The following MCHR2 variants were observed in gnomAD, a reference collection of about 807,000 sequenced individuals.
MCHR2 encodes melanin-concentrating hormone receptor 2.
In MCHR2, 15 loss-of-function variants were observed where a neutral mutation model predicts 24.8. That is an observed-to-expected ratio of 0.60 (90% confidence interval 0.40 to 0.93). MCHR2 has a LOEUF of 0.93. MCHR2 is among the 40% of genes least tolerant of loss of function. The probability of loss-of-function intolerance (pLI) is 0.00; values close to 1 mark genes in which losing one functional copy is unlikely to be tolerated. For synonymous variants in MCHR2, 151 were observed against 147.6 expected, an observed-to-expected ratio of 1.02 and a Z score of -0.17; for missense variants, 386 against 408.7, an observed-to-expected ratio of 0.94 and a Z score of 0.48.
Position 99,934,481 on chromosome 6 carries a change from GA to G in MCHR2, c.623del (p.Phe208SerfsTer5), listed in dbSNP as rs759525627. The G allele has an allele frequency of 8.5e-5, 134 of 1,583,526 alleles. No individual in the cohort carries two copies. Among genetic ancestry groups the G allele is most frequent in the African/African-American group, 3.3e-4 (24 of 72,688 alleles). ...TLYLTITTFF[F>X]PLPLILVCYI... Reference sequence around the variant, plus strand: ...AGCACACCAAAATCAAGGGTAGAGGGAAAAAAAAAGTTGTTATCGTCAAATA... The same window carrying G: ...AGCACACCAAAATCAAGGGTAGAGGGAAAAAAAAGTTGTTATCGTCAAATA... On this transcript the variant is annotated frameshift_variant, in exon 5 of 6. Transcript: ENST00000281806. LOFTEE classifies it high-confidence loss of function.
chr6:99,920,953 T>G lies in MCHR2; in HGVS notation c.1010A>C (p.Lys337Thr). 2 of 1,614,010 alleles carry G rather than the reference T, an allele frequency of 1.2e-6. No individual in the cohort carries two copies. Among genetic ancestry groups the G allele is most frequent in the Non-Finnish European group, 1.7e-6 (2 of 1,179,922 alleles). ...CCATGTACTTTCCTAAAAGTGTGAT[T>G]TCAGAGTGTTTCCCATATTGTTGAT... ...KEINNMGNTL[K>T]SHF The change falls in exon 6 of 6, where the codon AAA (lysine) becomes ACA (threonine). Residue 337 changes from lysine (K) to threonine (T), a missense_variant. By Grantham distance (78) the Lys-to-Thr change is moderately conservative. Transcript: ENST00000281806.
chr6:99,975,782 T>C (rs937649982), intron 1 of MCHR2, among the ~76,000 whole-genome samples: 2 of 152,254 alleles, frequency 1.3e-5, no homozygotes, highest in African/African-American at 4.8e-5. Context: ...ACCCATCTCC[T>C]TAGGATAAGT....
chr6:99,945,716 A>G (rs1774860838), intron 3 of MCHR2, among the ~76,000 whole-genome samples: 1 of 152,166 alleles, frequency 6.6e-6, no homozygotes, highest in African/African-American at 2.4e-5. Context: ...AATGTGAGGA[A>G]GGAAATGGTT....
chr6:99,977,118 T>C (rs1223178265), intron 1 of MCHR2, among the ~76,000 whole-genome samples: 1 of 152,242 alleles, frequency 6.6e-6, no homozygotes, highest in East Asian at 1.9e-4. Flanking sequence ...GTCTGACATG[T>C]TATCCTACTC....
chr6:99,930,593 TTC>T (rs149202245), intron 5 of MCHR2, among the ~76,000 whole-genome samples: 42,124 of 151,978 alleles, frequency 0.28, 6,863 homozygotes, highest in East Asian at 0.75. Context: ...TCATTTCATC[TTC>T]TGTCACTGAT....
intron 1 of MCHR2, among the ~76,000 whole-genome samples, chr6:99,971,744 T>C (rs184595335): frequency 3.3e-4 from 50 of 152,348 alleles, no homozygotes; most frequent in Non-Finnish European, 5.4e-4. Flanking sequence ...CACCAATACC[T>C]AATTTATTGA....
intron 2 of MCHR2, among the ~76,000 whole-genome samples, chr6:99,952,260 G>A (rs549451899): frequency 6.6e-6 from 1 of 151,932 alleles, no homozygotes; most frequent in Non-Finnish European, 1.5e-5. Flanking sequence ...TGATGATCAG[G>A]CCTCATTATT....
chr6:99,944,969 T>C (rs1033120463), intron 3 of MCHR2, among the ~76,000 whole-genome samples: 14 of 152,154 alleles, frequency 9.2e-5, no homozygotes, highest in Admixed American at 2.0e-4. Context: ...CTGCCTCTGC[T>C]TCTTCTTGCT....
intron 5 of MCHR2, among the ~76,000 whole-genome samples, chr6:99,926,476 C>A (rs1774361892): frequency 7.5e-6 from 1 of 133,690 alleles, no homozygotes; most frequent in South Asian, 2.5e-4. Flanking sequence ...TCCTATTTCT[C>A]CACATCCTCT....
chr6:99,956,757 A>G (rs755187581), intron 1 of MCHR2, among the ~76,000 whole-genome samples: 2 of 152,162 alleles, frequency 1.3e-5, no homozygotes, highest in African/African-American at 2.4e-5. Flanking sequence ...AGAAGTATTC[A>G]AGGCCAAATG....
Position 99,948,106 on chromosome 6 carries a change from G to A in MCHR2, c.183-135C>T. The A allele has an allele frequency of 5.8e-6, 4 of 684,948 alleles. No individual in the cohort carries two copies. In the East Asian group the frequency reaches 1.1e-4, roughly 19 times the overall value. The allele number at this position is 684,948 out of a possible 1,614,324, so 42.4% of individuals were successfully genotyped here. A position where few individuals can be genotyped will look rare whatever the true frequency, so the allele number is the denominator to read the frequency against. ...GGAAAACCTATACAGATGCATAGAG[G>A]AAATGCCTAGTCTTGTGTGTATTTA... is the stretch of plus-strand genomic sequence containing the variant. On this transcript the variant is annotated intron_variant, in intron 2 of 5. Coordinates refer to ENST00000281806, the MANE Select transcript of MCHR2 (RefSeq NM_001040179.2).
At chr6:99,926,663 G>A (rs71566307) in intron 5 of MCHR2, among the ~76,000 whole-genome samples, 25,373 of 152,044 alleles carry the variant, frequency 0.17, 2,273 homozygotes, top group African/African-American at 0.19. Context: ...CATGTCCTTC[G>A]CCCACTTTTT....
intron 4 of MCHR2, among the ~76,000 whole-genome samples, chr6:99,938,182 TA>T (rs1774702680): frequency 6.6e-6 from 1 of 151,948 alleles, no homozygotes; most frequent in Non-Finnish European, 1.5e-5. Context: ...GTAGTTTTTT[TA>T]GTCTCAATTT....
At chr6:99,948,052 A>C in intron 2 of MCHR2, 81 bp from the exon 3 acceptor site, 1 of 1,181,536 alleles carries the variant, frequency 8.5e-7, no homozygotes, top group Non-Finnish European at 1.2e-6. Flanking sequence ...ACAAATTTTT[A>C]ATTGACATAA....
At chr6:99,943,515 G>A (rs1425683048) in intron 3 of MCHR2, among the ~76,000 whole-genome samples, 3 of 151,210 alleles carry the variant, frequency 2.0e-5, no homozygotes, top group African/African-American at 7.3e-5. Flanking sequence ...TCCCCAGAGT[G>A]TGATGTTCCC....
At chr6:99,986,657 G>A (rs1300522041) in intron 1 of MCHR2, among the ~76,000 whole-genome samples, 2 of 151,954 alleles carry the variant, frequency 1.3e-5, no homozygotes, top group Admixed American at 6.6e-5. Context: ...TAATAGACAC[G>A]GAGATTCCAA....
chr6:99,945,984 A>G (rs1774864463), intron 3 of MCHR2, among the ~76,000 whole-genome samples: 1 of 152,006 alleles, frequency 6.6e-6, no homozygotes, highest in Non-Finnish European at 1.5e-5. Flanking sequence ...CATTCACTTC[A>G]TTTACAGTAA....
chr6:99,965,949 A>G (rs1383354046), intron 1 of MCHR2, among the ~76,000 whole-genome samples: 3 of 152,158 alleles, frequency 2.0e-5, no homozygotes, highest in Non-Finnish European at 4.4e-5. Flanking sequence ...AGTATAATCA[A>G]TTTGGCTACG....
intron 5 of MCHR2, among the ~76,000 whole-genome samples, chr6:99,926,593 G>A (rs547997254): frequency 2.0e-5 from 3 of 152,306 alleles, no homozygotes; most frequent in African/African-American, 7.2e-5. Flanking sequence ...CAGTGATGGT[G>A]AGCATTTTTT....
Sources: allele counts gnomAD v4.1 joint callset (sites outside exome capture counted in the v4.1 genomes callset), GRCh38; gene constraint gnomAD v4.1.1; transcripts MANE v1.5; gene names NCBI Gene and HGNC (gene_info 2026-07-23, HGNC 2026-07-21).